ZC3H18: variants seen among roughly 807,000 people sequenced by gnomAD.
ZC3H18 encodes zinc finger CCCH-type containing 18.
A neutral mutation model predicts 106.1 loss-of-function variants in ZC3H18; 8 were observed. The ratio of observed to expected loss-of-function variants is 0.08; its 90% confidence interval spans 0.04 to 0.14. The LOEUF (loss-of-function observed/expected upper bound fraction) is 0.14. Among genes scored for constraint, ZC3H18 ranks in the 10% least tolerant of loss-of-function variants. The pLI, the probability that ZC3H18 is intolerant of heterozygous loss-of-function variation, is 1.00. For synonymous variants in ZC3H18, 635 were observed against 522.1 expected (o/e 1.22, Z -2.95); for missense variants, 1,318 against 1,278.4 (o/e 1.03, Z -0.47).
rs374019286 is a variant in ZC3H18 at position 88,624,517 on chromosome 16, G to T, written c.1899-85G>T. On this transcript the variant is annotated intron_variant, in intron 11 of 17. Transcript: ENST00000301011. ...TCACAGGCATGCAGTGTCGTTCCCC[G>T]AGCTGTGGGTCCATTGAAAGGGGAT... 3 of 1,600,802 alleles carry T rather than the reference G, an allele frequency of 1.9e-6. No individual in the cohort carries two copies. The East Asian group carries it at 6.7e-5, about 36-fold the overall frequency.
rs185399536 is a variant in ZC3H18, at chr16:88,593,293, G to A, written c.689-4885G>A. Among the ~76,000 whole-genome samples the A allele has an allele frequency of 1.1e-3, 170 of 152,254 alleles. 1 individual carries two copies. Among genetic ancestry groups the A allele is most frequent in the Non-Finnish European group, 1.9e-3 (129 of 68,034 alleles). ...GAGCCACAGTGAGCACAGCACCGCCGTACCCCCAACGGTTGTTGGCCAAGA... is the reference window on the plus strand; with the variant it reads ...GAGCCACAGTGAGCACAGCACCGCCATACCCCCAACGGTTGTTGGCCAAGA... On this transcript the variant is annotated intron_variant, in intron 3 of 17. Coordinates refer to ENST00000301011, the MANE Select transcript of ZC3H18 (RefSeq NM_144604.4).
chr16:88,611,334 C>G lies in ZC3H18; in HGVS notation c.1273C>G (p.Arg425Gly). 1 of 775,706 alleles carries G rather than the reference C, an allele frequency of 1.3e-6. No homozygotes were observed. The highest frequency in any genetic ancestry group is 2.3e-6 in the Non-Finnish European group (1 of 440,002). 48.1% of individuals were successfully genotyped at this position (775,706 alleles called of 1,614,324 possible). A position where few individuals can be genotyped will look rare whatever the true frequency, so the allele number is the denominator to read the frequency against. The change falls in exon 8 of 18, where the codon CGA becomes GGA. Residue 425 changes from arginine to glycine, a missense_variant. Transcript: ENST00000301011. ...GCGCGAGCGGGAGCGGGAGCGGGAC[C>G]GAGAGCGGGAGCGCCGGCAGAGGGA... ...RERERERERD[R>G]ERERRQRERE...
chr16:88,618,653 A>T (rs113864820), intron 8 of ZC3H18, among the ~76,000 whole-genome samples: 6 of 152,024 alleles, frequency 3.9e-5, no homozygotes, highest in Non-Finnish European at 5.9e-5. Flanking sequence ...GCATGTTTGC[A>T]TTGGTGGTGG....
At chr16:88,572,835 G>A (rs1279808833) in intron 1 of ZC3H18, among the ~76,000 whole-genome samples, 1 of 152,004 alleles carries the variant, frequency 6.6e-6, no homozygotes, top group Non-Finnish European at 1.5e-5. Flanking sequence ...TCGGCTCACT[G>A]CAACCTCCTC....
At chr16:88,595,047 A>T (rs941368406) in intron 3 of ZC3H18, among the ~76,000 whole-genome samples, 1 of 152,214 alleles carries the variant, frequency 6.6e-6, no homozygotes, top group African/African-American at 2.4e-5. Context: ...GCTACTCGGG[A>T]GGCTGAGGCA....
Position 88,631,375 on chromosome 16 carries a change from C to G in ZC3H18, c.*76C>G. ...CCATTTTGGATTTTGCAGTTAATGT[C>G]TTATTTTGGCTGTGATTCTTTTTAA... is the stretch of plus-strand genomic sequence containing the variant. On this transcript the variant is annotated 3_prime_UTR_variant, in exon 18 of 18. Transcript: ENST00000301011. 5.3e-6 allele frequency: 8 copies of G among 1,505,238 alleles called. No individual in the cohort carries two copies. The highest frequency in any genetic ancestry group is 7.2e-6 in the Non-Finnish European group (8 of 1,115,008). 93.2% of individuals were successfully genotyped at this position (1,505,238 alleles called of 1,614,324 possible).
rs1820767954 is a variant in ZC3H18 at position 88,577,268 on chromosome 16, G to C, written c.145G>C (p.Glu49Gln). 1 of 1,613,460 alleles carries C rather than the reference G, an allele frequency of 6.2e-7. No homozygotes were observed. The highest frequency in any genetic ancestry group is 8.5e-7 in the Non-Finnish European group (1 of 1,179,828). The change falls in exon 2 of 18, where the codon GAG (glutamate) becomes CAG (glutamine). Residue 49 changes from glutamate (E) to glutamine (Q), a missense_variant. By Grantham distance (29) the Glu-to-Gln change is conservative (BLOSUM62 2). Transcript: ENST00000301011. ...DGAGVRASDLEDEESAARGPS... is the reference protein window; with the variant it reads ...DGAGVRASDLQDEESAARGPS... ...GGCGGGGGTGAGGGCTTCTGATCTGGAGGATGAGGAAAGTGCAGCCAGGGG... is the reference window on the plus strand; with the variant it reads ...GGCGGGGGTGAGGGCTTCTGATCTGCAGGATGAGGAAAGTGCAGCCAGGGG...
intron 8 of ZC3H18, among the ~76,000 whole-genome samples, chr16:88,620,797 G>T (rs1329397808): frequency 6.6e-6 from 1 of 152,020 alleles, no homozygotes; most frequent in Non-Finnish European, 1.5e-5. Context: ...TTGCTCAGGA[G>T]TTTACCCTTT....
In ZC3H18 at chr16:88,627,882, C is replaced by G. The variant is rs745651329; in HGVS notation, c.2270-38C>G. On this transcript the variant is annotated intron_variant, in intron 14 of 17. Coordinates refer to ENST00000301011, the MANE Select transcript of ZC3H18 (RefSeq NM_144604.4). The surrounding 1 kb of genome is among the most constrained non-coding windows in gnomAD (Gnocchi z 4.5). ...GCTGTTGGTGTGGCCATGGGAAAAT[C>G]ACCAGTACCCCCATGACTGCGGATT... 6.2e-7 allele frequency: 1 copy of G among 1,613,284 alleles called. No homozygotes were observed. Among genetic ancestry groups the G allele is most frequent in the Non-Finnish European group, 8.5e-7 (1 of 1,179,880 alleles).
At chr16:88,610,772 G>C (rs1384129927) in intron 7 of ZC3H18, among the ~76,000 whole-genome samples, 1 of 152,252 alleles carries the variant, frequency 6.6e-6, no homozygotes, top group Admixed American at 6.5e-5. Flanking sequence ...CAGAGGCAGG[G>C]CATGTGCTCT....
chr16:88,594,612 A>G (rs1326458240), intron 3 of ZC3H18, among the ~76,000 whole-genome samples: 1 of 152,150 alleles, frequency 6.6e-6, no homozygotes, highest in Non-Finnish European at 1.5e-5. Context: ...AAAAAAAGCA[A>G]GGTTCAGCAC....
chr16:88,582,969 G>A lies in ZC3H18; in HGVS notation c.604-3631G>A, dbSNP rs560689601. On this transcript the variant is annotated intron_variant, in intron 2 of 17. Coordinates refer to ENST00000301011, the MANE Select transcript of ZC3H18 (RefSeq NM_144604.4). ...TATTTCTGAATTCTCAAGACACCTG[G>A]CCCCACAGGTTTCAGTTAAGGAATG... Among the ~76,000 whole-genome samples, 10 of 152,304 alleles carry A rather than the reference G, an allele frequency of 6.6e-5. 1 individual carries two copies. The South Asian group carries it at 2.1e-3, about 32-fold the overall frequency.
intron 8 of ZC3H18, among the ~76,000 whole-genome samples, chr16:88,621,736 C>T (rs1439506402): frequency 6.6e-6 from 1 of 152,194 alleles, no homozygotes; most frequent in Non-Finnish European, 1.5e-5. Flanking sequence ...AGTAATCCAC[C>T]CGCCTCGTCC....
intron 2 of ZC3H18, among the ~76,000 whole-genome samples, chr16:88,585,620 T>A (rs1020915817): frequency 6.6e-6 from 1 of 152,068 alleles, no homozygotes; most frequent in East Asian, 1.9e-4. Flanking sequence ...GTAAGTTGAA[T>A]AATCAGGAAG....
Position 88,628,781 on chromosome 16 carries a change from G to C in ZC3H18, c.2493G>C (p.Lys831Asn). The C allele has an allele frequency of 6.2e-7, 1 of 1,614,092 alleles. No individual in the cohort carries two copies. Among genetic ancestry groups the C allele is most frequent in the Non-Finnish European group, 8.5e-7 (1 of 1,179,982 alleles). The change falls in exon 16 of 18, where the codon AAG becomes AAC. Residue 831 changes from lysine to asparagine, a missense_variant. Around this residue, in one of 6 missense-constraint regions of ZC3H18, gnomAD observed 848 missense variants for 821.7 expected, o/e 1.03. Coordinates refer to ENST00000301011, the MANE Select transcript of ZC3H18 (RefSeq NM_144604.4). ...LNKAADKGSR[K>N]RYEPSDKDRQ... is the part of the protein sequence containing the mutation. ...AGGCGGCTGATAAAGGAAGCAGGAA[G>C]CGCTATGAACCATCAGACAAGGACA...
rs895291680 is a variant in ZC3H18, at chr16:88,612,102, G to A, written c.1475+566G>A. Among the ~76,000 whole-genome samples the A allele has an allele frequency of 7.2e-5, 11 of 152,132 alleles. No homozygotes were observed. In the South Asian group the frequency reaches 8.3e-4, roughly 11 times the overall value. On this transcript the variant is annotated intron_variant, in intron 8 of 17. Coordinates refer to ENST00000301011, the MANE Select transcript of ZC3H18 (RefSeq NM_144604.4). ...ATGATCCTTGCTGCCAACTGCTGGG[G>A]GCACAGTCAAGACCCATGAGACAGG...
At chr16:88,595,777 G>A (rs1162988642) in intron 3 of ZC3H18, among the ~76,000 whole-genome samples, 2 of 148,016 alleles carry the variant, frequency 1.4e-5, no homozygotes, top group African/African-American at 5.0e-5. Context: ...CTGCACTCCA[G>A]CCTGGGCAAC....
At chr16:88,588,187 G>A (rs149051570) in intron 3 of ZC3H18, among the ~76,000 whole-genome samples, 6 of 152,294 alleles carry the variant, frequency 3.9e-5, no homozygotes, top group Non-Finnish European at 7.4e-5. Context: ...AATAGTGTGG[G>A]AATTAACAAC....
chr16:88,578,686 T>C (rs777692957), intron 2 of ZC3H18, among the ~76,000 whole-genome samples: 1 of 152,010 alleles, frequency 6.6e-6, no homozygotes, highest in Non-Finnish European at 1.5e-5. Flanking sequence ...CGGTTTGCCT[T>C]GAATGCCATG....
Sources: allele counts gnomAD v4.1 joint callset (sites outside exome capture counted in the v4.1 genomes callset), GRCh38; gene constraint gnomAD v4.1.1; regional missense constraint gnomAD v4.1.1; non-coding constraint Gnocchi (gnomAD v3.1); transcripts MANE v1.5; gene names NCBI Gene and HGNC (gene_info 2026-07-23, HGNC 2026-07-21).